BANP: variants seen among roughly 807,000 people sequenced by gnomAD.
BANP encodes the protein BTG3 associated nuclear protein, also known as protein BANP.
A neutral mutation model predicts 68.1 loss-of-function variants in BANP; 11 were observed. That is an observed-to-expected ratio of 0.16 (90% CI 0.10 to 0.27). BANP has a LOEUF of 0.27. Among genes scored for constraint, BANP ranks in the 10% least tolerant of loss-of-function variants. BANP has a pLI of 1.00. For synonymous variants in BANP, 329 were observed against 303.2 expected (o/e 1.09, Z -0.88); for missense variants, 504 against 722.7 (o/e 0.70, Z 3.47).
chr16:87,969,534 C>T (rs1327469528), intron 1 of BANP, among the ~76,000 whole-genome samples: 3 of 139,004 alleles, frequency 2.2e-5, no homozygotes, highest in African/African-American at 2.7e-5. Context: ...TCGAGATTGA[C>T]TTTTTTTTTT....
chr16:88,006,601 A>G (rs1365751283), intron 6 of BANP, among the ~76,000 whole-genome samples: 1 of 147,954 alleles, frequency 6.8e-6, no homozygotes, highest in Non-Finnish European at 1.5e-5. Context: ...AACCGAGATC[A>G]TGCCATTGCA....
chr16:88,042,071 G>A (rs999834498), intron 11 of BANP, among the ~76,000 whole-genome samples: 4 of 152,242 alleles, frequency 2.6e-5, no homozygotes, highest in African/African-American at 9.6e-5. Context: ...TCAGGACAGC[G>A]AATGGCACAG....
chr16:88,034,639 T>C (rs1413022918), intron 9 of BANP, among the ~76,000 whole-genome samples: 7 of 152,222 alleles, frequency 4.6e-5, no homozygotes, highest in Admixed American at 1.3e-4. Context: ...CCCAGAGAGC[T>C]GAACGTATCA....
chr16:88,020,663 G>A (rs539324946), intron 7 of BANP, among the ~76,000 whole-genome samples: 1 of 152,354 alleles, frequency 6.6e-6, no homozygotes, highest in East Asian at 1.9e-4. Flanking sequence ...TGAGCGTGCT[G>A]TGCTGTGTGG....
intron 11 of BANP, among the ~76,000 whole-genome samples, chr16:88,055,596 T>TC (rs1271108941): frequency 6.6e-6 from 1 of 152,212 alleles, no homozygotes; most frequent in Non-Finnish European, 1.5e-5. Flanking sequence ...ATGGGAAATG[T>TC]CCAACATTTT....
chr16:88,006,153 C>G lies in BANP; in HGVS notation c.543C>G (p.His181Gln). 1 of 1,614,058 alleles carries G rather than the reference C, an allele frequency of 6.2e-7. No homozygotes were observed. The highest frequency in any genetic ancestry group is 8.5e-7 in the Non-Finnish European group (1 of 1,179,972). ...VVKVPGQEDS[H>Q]HEDGESGSEA... ...AGGTGCCGGGCCAAGAAGACAGCCA[C>G]CACGAGGACGGGGAGAGCGGCTCGG... is the stretch of plus-strand genomic sequence containing the variant. Residue 181 changes from histidine (H) to glutamine (Q), a missense_variant, in exon 6 of 14, where the codon CAC (histidine) becomes CAG (glutamine). Physicochemically the swap from His to Gln is conservative, Grantham distance 24. Coordinates refer to ENST00000682872, the MANE Select transcript of BANP (RefSeq NM_001386991.1).
Position 88,044,226 on chromosome 16 carries a change from C to T in BANP, c.1311+6215C>T, listed in dbSNP as rs546249416. ...GGGCTGCATGGCTGGACTCTACCAG[C>T]ATCTGCGCAAGCCACAGCAGGAAGC... On this transcript the variant is annotated intron_variant, in intron 11 of 13. Transcript: ENST00000682872. Among the ~76,000 whole-genome samples the T allele has an allele frequency of 4.3e-3, 654 of 152,352 alleles. 6 individuals carry two copies. The highest frequency in any genetic ancestry group is 7.4e-3 in the Non-Finnish European group (502 of 68,036).
Position 88,039,296 on chromosome 16 carries a change from G to A in BANP, c.1311+1285G>A, listed in dbSNP as rs192434276. ...TTTAAATCCACAGTTGTGGCTTTGT[G>A]CTCACTCCACTGGGGTAATGAGGCT... On this transcript the variant is annotated intron_variant, in intron 11 of 13. Coordinates refer to ENST00000682872, the MANE Select transcript of BANP (RefSeq NM_001386991.1). Among the ~76,000 whole-genome samples the A allele has an allele frequency of 4.4e-3, 651 of 146,544 alleles. 6 individuals carry two copies. Among genetic ancestry groups the A allele is most frequent in the African/African-American group, 0.011 (472 of 41,318 alleles).
chr16:87,978,973 C>A (rs561119290), intron 2 of BANP, among the ~76,000 whole-genome samples: 1 of 152,212 alleles, frequency 6.6e-6, no homozygotes, highest in Non-Finnish European at 1.5e-5. Flanking sequence ...TCAAAGATAA[C>A]CTCAAAATCA....
chr16:87,974,525 A>C (rs2061674293), intron 1 of BANP, among the ~76,000 whole-genome samples: 1 of 152,212 alleles, frequency 6.6e-6, no homozygotes, highest in African/African-American at 2.4e-5. Flanking sequence ...GGGTAGCAGA[A>C]ACGGAGTATG....
In BANP at chr16:88,003,437, T is replaced by G. The variant is rs1598343017; in HGVS notation, c.363-858T>G. On this transcript the variant is annotated intron_variant, in intron 4 of 13. Transcript: ENST00000682872. The surrounding 1 kb of genome is among the most constrained non-coding windows in gnomAD (Gnocchi z 6.1). ...CCAAGAATGGAGTTTTATTGTCAGG[T>G]GATAATCACGTTGTGTTTCTAGTGC... The G allele has an allele frequency of 2.2e-6, 1 of 456,064 alleles. No homozygotes were observed. Among genetic ancestry groups the G allele is most frequent in the Non-Finnish European group, 4.4e-6 (1 of 226,942 alleles). 28.3% of individuals were successfully genotyped at this position (456,064 alleles called of 1,614,324 possible).
In BANP at chr16:88,064,712, C is replaced by T. The variant is rs2152890294; in HGVS notation, c.1312-555C>T. Among the ~76,000 whole-genome samples the T allele has an allele frequency of 6.6e-6, 1 of 152,330 alleles. No individual in the cohort carries two copies. The highest frequency in any genetic ancestry group is 2.1e-4 in the South Asian group (1 of 4,834). ...AGAGGCTCCTGTGGAGCTCTCATGG[C>T]TGGCAGTGCCAGATGGGAGCCTGGT... On this transcript the variant is annotated intron_variant, in intron 11 of 13. Transcript: ENST00000682872. This position sits in a 1 kb window ranked among gnomAD's most constrained non-coding sequence, Gnocchi z 4.5.
Position 88,003,892 on chromosome 16 carries a change from G to A in BANP, c.363-403G>A. 6.7e-6 allele frequency: 2 copies of A among 298,356 alleles called. No individual in the cohort carries two copies. The highest frequency in any genetic ancestry group is 6.1e-5 in the South Asian group (2 of 32,848). The allele number at this position is 298,356 out of a possible 1,614,324, so 18.5% of individuals were successfully genotyped here. A position where few individuals can be genotyped will look rare whatever the true frequency, so the allele number is the denominator to read the frequency against. ...TCCCATAGGAATGAGTTGGGATGGA[G>A]TGACTGAAAATGTCAAGCCAGTTCT... On this transcript the variant is annotated intron_variant, in intron 4 of 13. Transcript: ENST00000682872. The surrounding 1 kb of genome is among the most constrained non-coding windows in gnomAD (Gnocchi z 6.1).
Position 88,052,605 on chromosome 16 carries a change from C to T in BANP, c.1312-12662C>T, listed in dbSNP as rs778434959. On this transcript the variant is annotated intron_variant, in intron 11 of 13. Transcript: ENST00000682872. ...CCAACACAACCACCTCTACCACCTCCGCCACTGTCATCTCCATCATCCTCA... is the reference window on the plus strand; with the variant it reads ...CCAACACAACCACCTCTACCACCTCTGCCACTGTCATCTCCATCATCCTCA... Among the ~76,000 whole-genome samples the T allele has an allele frequency of 8.8e-4, 134 of 151,850 alleles. 1 individual carries two copies. The highest frequency in any genetic ancestry group is 1.9e-3 in the Admixed American group (29 of 15,234).
At chr16:87,977,641 C>G (rs1302153069) in intron 2 of BANP, among the ~76,000 whole-genome samples, 1 of 152,176 alleles carries the variant, frequency 6.6e-6, no homozygotes, top group Non-Finnish European at 1.5e-5. Flanking sequence ...AAAAATTTCC[C>G]ATAATTCTAC....
intron 12 of BANP, among the ~76,000 whole-genome samples, chr16:88,066,101 C>T (rs1567926122): frequency 6.6e-6 from 1 of 152,200 alleles, no homozygotes; most frequent in Non-Finnish European, 1.5e-5. Context: ...CCATGCGAGG[C>T]GGCCTCAGGG....
At chr16:87,976,339 A>G (rs2062116675) in intron 2 of BANP, among the ~76,000 whole-genome samples, 1 of 152,214 alleles carries the variant, frequency 6.6e-6, no homozygotes, top group Non-Finnish European at 1.5e-5. Context: ...AAATGGTGTT[A>G]AAGGCACATG....
At chr16:88,021,369 GGA>G (rs1386532982) in intron 7 of BANP, among the ~76,000 whole-genome samples, 1 of 152,170 alleles carries the variant, frequency 6.6e-6, no homozygotes, top group Non-Finnish European at 1.5e-5. Context: ...CCGGCCCCTT[GGA>G]GATGCCCAGT....
chr16:88,012,142 G>A (rs2073319293), intron 6 of BANP, among the ~76,000 whole-genome samples: 2 of 152,212 alleles, frequency 1.3e-5, no homozygotes, highest in Non-Finnish European at 2.9e-5. Context: ...GGAGAGATGA[G>A]TTATTGACAG....
Sources: gnomAD v4.1 joint callset for allele counts (sites outside exome capture counted in the v4.1 genomes callset) on GRCh38, gnomAD v4.1.1 for gene constraint, Gnocchi (gnomAD v3.1) non-coding constraint, MANE v1.5 for transcripts, NCBI Gene and HGNC (gene_info 2026-07-23, HGNC 2026-07-21) for gene names.